The following RAB22A variants were observed in gnomAD, a reference collection of about 807,000 sequenced individuals.
RAB22A encodes the protein RAB22A, member RAS oncogene family, also known as ras-related protein Rab-22A.
Under a neutral mutation model 30.2 loss-of-function variants are expected in RAB22A, and 13 were observed. That is an observed-to-expected ratio of 0.43 (90% CI 0.28 to 0.68). The LOEUF (loss-of-function observed/expected upper bound fraction) is 0.68. RAB22A is among the 30% of genes least tolerant of loss of function. RAB22A has a pLI of 0.18. For synonymous variants in RAB22A, 89 were observed against 87.2 expected (o/e 1.02, Z -0.11); for missense variants, 177 against 246.8 (o/e 0.72, Z 1.89).
At chr20:58,311,473 A>G (rs1986224988) in intron 2 of RAB22A, among the ~76,000 whole-genome samples, 1 of 152,252 alleles carries the variant, frequency 6.6e-6, no homozygotes, top group Non-Finnish European at 1.5e-5. Context: ...ATATCAAGTA[A>G]AAGACATTTA....
rs1568684973 is a variant in RAB22A at position 58,364,023 on chromosome 20, C to T, written c.*4320C>T. On this transcript the variant is annotated 3_prime_UTR_variant, in exon 7 of 7. Coordinates refer to ENST00000244040, the MANE Select transcript of RAB22A (RefSeq NM_020673.3). ...TATAAATCCAGGCAGTTTGATTATC[C>T]GATTTGCAAGAAACTTTAATGGAAT... The T allele has an allele frequency of 1.3e-5, 2 of 152,648 alleles. No individual in the cohort carries two copies. The highest frequency in any genetic ancestry group is 2.1e-4 in the South Asian group (1 of 4,814). 9.5% of individuals were successfully genotyped at this position (152,648 alleles called of 1,614,324 possible).
At chr20:58,358,143 C>T (rs780070356) in intron 6 of RAB22A, among the ~76,000 whole-genome samples, 2 of 152,110 alleles carry the variant, frequency 1.3e-5, no homozygotes, top group African/African-American at 4.8e-5. Context: ...GTCAGGAAAG[C>T]CTTTGTACAA....
At chr20:58,313,765 C>A (rs1986278142) in intron 2 of RAB22A, among the ~76,000 whole-genome samples, 1 of 152,184 alleles carries the variant, frequency 6.6e-6, no homozygotes, top group African/African-American at 2.4e-5. Flanking sequence ...CAGGGGTGGG[C>A]AAACTGTGGC....
At chr20:58,312,106 C>T (rs2122918371) in intron 2 of RAB22A, among the ~76,000 whole-genome samples, 1 of 152,178 alleles carries the variant, frequency 6.6e-6, no homozygotes, top group East Asian at 1.9e-4. Flanking sequence ...TGGGCGCCCA[C>T]CACCATGCCC....
At chr20:58,327,342 T>C (rs145438177) in intron 2 of RAB22A, among the ~76,000 whole-genome samples, 3 of 152,356 alleles carry the variant, frequency 2.0e-5, no homozygotes, top group Non-Finnish European at 4.4e-5. Context: ...CTAGCTCATA[T>C]GGTTCTGTCC....
intron 6 of RAB22A, among the ~76,000 whole-genome samples, chr20:58,354,881 C>T (rs536599229): frequency 1.8e-4 from 28 of 152,120 alleles, no homozygotes; most frequent in Non-Finnish European, 2.5e-4. Context: ...TCTCCTGGAG[C>T]GCACATTCTA....
chr20:58,340,430 G>A (rs1912821271), intron 2 of RAB22A, among the ~76,000 whole-genome samples: 1 of 152,146 alleles, frequency 6.6e-6, no homozygotes, highest in Non-Finnish European at 1.5e-5. Context: ...GCCCAGGTCT[G>A]CTCTAATCTC....
chr20:58,355,208 G>A (rs1987111703), intron 6 of RAB22A, among the ~76,000 whole-genome samples: 2 of 152,086 alleles, frequency 1.3e-5, no homozygotes, highest in African/African-American at 2.4e-5. Context: ...CCATTGTGTC[G>A]AGGAGGGGCA....
intron 2 of RAB22A, among the ~76,000 whole-genome samples, chr20:58,332,879 A>G (rs1986686004): frequency 6.6e-6 from 1 of 152,164 alleles, no homozygotes; most frequent in African/African-American, 2.4e-5. Flanking sequence ...GGGATAAAAA[A>G]CATGTTATAT....
At position 58,343,739 on chromosome 20, in the gene RAB22A, T is replaced by C. The variant is rs773361866; in HGVS notation, c.138T>C (p.Thr46=). The C allele has an allele frequency of 2.5e-6, 4 of 1,610,696 alleles. No individual in the cohort carries two copies. The South Asian group carries it at 3.3e-5, about 13-fold the overall frequency. The change falls in exon 3 of 7, where the codon ACT becomes ACC. Residue 46 remains threonine (T), a synonymous_variant. Coordinates refer to ENST00000244040, the MANE Select transcript of RAB22A (RefSeq NM_020673.3). ...PTIGASFMTK[T]VQYQNELHKF... The stretch of plus-strand genomic sequence containing the variant: ...ATAGGGCATCTTTTATGACCAAGAC[T>C]GTCCAGTACCAAAATGAGCTACATA...
At chr20:58,311,725 T>C (rs1024903911) in intron 2 of RAB22A, among the ~76,000 whole-genome samples, 13 of 152,234 alleles carry the variant, frequency 8.5e-5, no homozygotes, top group African/African-American at 2.9e-4. Flanking sequence ...TTTAATATTA[T>C]GTTAACCTTA....
chr20:58,357,137 G>A (rs536028706), intron 6 of RAB22A, among the ~76,000 whole-genome samples: 81 of 152,268 alleles, frequency 5.3e-4, no homozygotes, highest in African/African-American at 1.9e-3. Context: ...CAACCATACC[G>A]GTAGTGTATG....
At chr20:58,328,307 A>C (rs1225334883) in intron 2 of RAB22A, among the ~76,000 whole-genome samples, 1 of 152,038 alleles carries the variant, frequency 6.6e-6, no homozygotes, top group African/African-American at 2.4e-5. Flanking sequence ...TCAGCCTCCC[A>C]AGTAGCTAAG....
At chr20:58,355,858 T>C (rs185196237) in intron 6 of RAB22A, among the ~76,000 whole-genome samples, 131 of 152,280 alleles carry the variant, frequency 8.6e-4, no homozygotes, top group African/African-American at 2.9e-3. Flanking sequence ...ATTGTTGTCC[T>C]GGATGTAAAT....
chr20:58,344,945 T>C (rs1038107537), intron 3 of RAB22A, among the ~76,000 whole-genome samples: 2 of 152,174 alleles, frequency 1.3e-5, no homozygotes, highest in Admixed American at 1.3e-4. Context: ...CACTCCCCAT[T>C]CCTTTTCCTT....
chr20:58,335,843 T>G (rs564334674), intron 2 of RAB22A, among the ~76,000 whole-genome samples: 95 of 152,350 alleles, frequency 6.2e-4, no homozygotes, highest in Non-Finnish European at 1.1e-3. Context: ...TACATAGACT[T>G]GCTGAGAACT....
chr20:58,325,487 C>A lies in RAB22A; in HGVS notation c.116+14365C>A, dbSNP rs536880520. ...GTGAGACTCCGTCTCAAAAAAAAAA[C>A]AAAAAACTTGACTGTGGCTTTTGCT... On this transcript the variant is annotated intron_variant, in intron 2 of 6. Coordinates refer to ENST00000244040, the MANE Select transcript of RAB22A (RefSeq NM_020673.3). 7.9e-4 allele frequency among the ~76,000 whole-genome samples: 120 copies of A among 151,862 alleles called. No homozygotes were observed. The South Asian group carries it at 0.018, about 23-fold the overall frequency.
intron 2 of RAB22A, among the ~76,000 whole-genome samples, chr20:58,338,273 G>T (rs185774627): frequency 2.6e-5 from 4 of 152,084 alleles, no homozygotes; most frequent in Admixed American, 2.6e-4. Context: ...GTATCAGCCC[G>T]CCTCAGCCTC....
intron 2 of RAB22A, among the ~76,000 whole-genome samples, chr20:58,335,382 G>A (rs1986730809): frequency 6.6e-6 from 1 of 152,148 alleles, no homozygotes; most frequent in South Asian, 2.1e-4. Context: ...TTGTTGATGA[G>A]TGGGGGTCTG....
Sources: allele counts gnomAD v4.1 joint callset (sites outside exome capture counted in the v4.1 genomes callset), GRCh38; gene constraint gnomAD v4.1.1; transcripts MANE v1.5; gene names NCBI Gene and HGNC (gene_info 2026-07-23, HGNC 2026-07-21).